Variants in EIF3A observed in about 807,000 individuals in gnomAD.
EIF3A encodes EIF3, p180 subunit.
EIF3A carries 21 observed loss-of-function variants against 186.6 expected under a neutral mutation model. The observed-to-expected ratio is 0.11, with a 90% CI of 0.08 to 0.16. EIF3A has a LOEUF of 0.16. Among genes scored for constraint, EIF3A ranks in the 10% least tolerant of loss-of-function variants. The probability of loss-of-function intolerance (pLI) is 1.00; values close to 1 mark genes in which losing one functional copy is unlikely to be tolerated. For missense variants in EIF3A, 1,306 were observed against 1,796.3 expected, an observed-to-expected ratio of 0.73 and a Z score of 4.93; for synonymous variants, 563 against 584.3, an observed-to-expected ratio of 0.96 and a Z score of 0.52.
At chr10:119,051,619 A>G (rs1389765342) in intron 14 of EIF3A, among the ~76,000 whole-genome samples, 3 of 152,214 alleles carry the variant, frequency 2.0e-5, no homozygotes, top group South Asian at 2.1e-4. Flanking sequence ...GAGGCACTGC[A>G]GGTTTGGTTC....
At chr10:119,077,236 G>A (rs569523132) in intron 1 of EIF3A, among the ~76,000 whole-genome samples, 142 of 152,180 alleles carry the variant, frequency 9.3e-4, no homozygotes, top group African/African-American at 2.7e-3. Flanking sequence ...AGGCTAAGGC[G>A]AGCAGATCAC....
At chr10:119,075,695 T>C (rs1765998618) in intron 1 of EIF3A, among the ~76,000 whole-genome samples, 1 of 145,590 alleles carries the variant, frequency 6.9e-6, no homozygotes, top group African/African-American at 2.5e-5. Context: ...CATTGTTTAT[T>C]TTCCTTGGAA....
intron 5 of EIF3A, 90 bp from the exon 6 acceptor site, chr10:119,069,744 A>G (rs1195150251): frequency 7.1e-6 from 5 of 705,958 alleles, no homozygotes; most frequent in South Asian, 1.6e-5. Flanking sequence ...AACACAGAAA[A>G]CATAAAAATA....
intron 6 of EIF3A, among the ~76,000 whole-genome samples, chr10:119,066,047 C>T (rs915711109): frequency 2.6e-5 from 4 of 151,510 alleles, no homozygotes; most frequent in South Asian, 4.2e-4. Context: ...ACCCGGGAGG[C>T]GGAGCTTGCA....
chr10:119,059,472 T>A, intron 10 of EIF3A, 75 bp from the exon 11 acceptor site: 1 of 1,314,306 alleles, frequency 7.6e-7, no homozygotes, highest in Non-Finnish European at 1.1e-6. Flanking sequence ...GAATGTCATA[T>A]ACAAAAGCTG....
chr10:119,064,228 T>A (rs1843933935), intron 7 of EIF3A, among the ~76,000 whole-genome samples: 1 of 152,182 alleles, frequency 6.6e-6, no homozygotes, highest in African/African-American at 2.4e-5. Context: ...TTTAGTAACA[T>A]CAAATGAAAG....
chr10:119,037,907 A>ATT (rs575308953), intron 20 of EIF3A, among the ~76,000 whole-genome samples: 3,233 of 93,136 alleles, frequency 0.035, 370 homozygotes, highest in East Asian at 0.078. Flanking sequence ...TTAAGAGGGA[A>ATT]TTTTTTTTTT....
In EIF3A at chr10:119,034,968, TAAA is replaced by T. The variant is rs201811447; in HGVS notation, c.*1068_*1070del. The T allele has an allele frequency of 1.3e-5, 2 of 152,360 alleles. No homozygotes were observed. Among genetic ancestry groups the T allele is most frequent in the African/African-American group, 4.8e-5 (2 of 41,364 alleles). 9.4% of individuals were successfully genotyped at this position (152,360 alleles called of 1,614,324 possible). ...TTAATGGCACTGATAAAAATTCAAGTAAAAAAAACTCAACTGAATATGCAAACT... is the reference window on the plus strand; with the variant it reads ...TTAATGGCACTGATAAAAATTCAAGTAAAAACTCAACTGAATATGCAAACT... On this transcript the variant is annotated 3_prime_UTR_variant, in exon 22 of 22. Coordinates refer to ENST00000369144, the MANE Select transcript of EIF3A (RefSeq NM_003750.4).
chr10:119,074,391 G>A (rs1447888777), intron 1 of EIF3A, among the ~76,000 whole-genome samples: 1 of 152,110 alleles, frequency 6.6e-6, no homozygotes, highest in Non-Finnish European at 1.5e-5. Flanking sequence ...CTTGAACCCA[G>A]GAGGCGGAGG....
chr10:119,077,556 A>ATT (rs34768236), intron 1 of EIF3A, among the ~76,000 whole-genome samples: 6,497 of 142,444 alleles, frequency 0.046, 280 homozygotes, highest in African/African-American at 0.11. Flanking sequence ...GTTCCTCCGA[A>ATT]TTTTTTTTTT....
chr10:119,037,064 C>A lies in EIF3A; in HGVS notation c.3919+55G>T, dbSNP rs199784581. 7.6e-5 allele frequency: 51 copies of A among 675,322 alleles called. 7 individuals are homozygous for A. Among genetic ancestry groups the A allele is most frequent in the East Asian group, 1.5e-4 (3 of 20,066 alleles). 41.8% of individuals were successfully genotyped at this position (675,322 alleles called of 1,614,324 possible). ...GATATAATTAAATAACCCAAATCCC[C>A]CCCCCCCCAGAAACGACAGTTCTCC... On this transcript the variant is annotated intron_variant, in intron 21 of 21. Transcript: ENST00000369144.
At chr10:119,050,708 C>T (rs753810452) in intron 15 of EIF3A, 34 bp from the exon 16 acceptor site, 4 of 1,611,758 alleles carry the variant, frequency 2.5e-6, no homozygotes, top group South Asian at 1.1e-5. Context: ...CCAAAAAGGG[C>T]ACACTTTGTC....
intron 1 of EIF3A, among the ~76,000 whole-genome samples, chr10:119,079,262 C>T (rs1281722147): frequency 1.3e-5 from 2 of 152,178 alleles, no homozygotes; most frequent in East Asian, 3.8e-4. Context: ...ACAATTACTC[C>T]ATTCCACACA....
rs188666416 is a variant in EIF3A at position 119,050,331 on chromosome 10, T to C, written c.2473+190A>G. ...TATTAATTTCTAGAAGAACATCAAATGTGTGGGGAAATGCTGGCAGACGAT... is the reference window on the plus strand; with the variant it reads ...TATTAATTTCTAGAAGAACATCAAACGTGTGGGGAAATGCTGGCAGACGAT... On this transcript the variant is annotated intron_variant, in intron 16 of 21. Transcript: ENST00000369144. 2.3e-3 allele frequency among the ~76,000 whole-genome samples: 356 copies of C among 152,248 alleles called. 1 individual carries two copies. The highest frequency in any genetic ancestry group is 3.9e-3 in the Non-Finnish European group (268 of 68,020).
intron 14 of EIF3A, among the ~76,000 whole-genome samples, chr10:119,054,283 G>T (rs984056661): frequency 6.6e-6 from 1 of 152,134 alleles, no homozygotes; most frequent in Non-Finnish European, 1.5e-5. Flanking sequence ...TTATAGCCTT[G>T]CTCTCGATCA....
At position 119,051,231 on chromosome 10, in the gene EIF3A, G is replaced by T. The variant is rs2119818749; in HGVS notation, c.2287C>A (p.Arg763=). The T allele has an allele frequency of 6.2e-7, 1 of 1,610,480 alleles. No individual in the cohort carries two copies. The highest frequency in any genetic ancestry group is 8.5e-7 in the Non-Finnish European group (1 of 1,179,020). ...ACAGACTGCCGTGCAGCTTTGAGTC[G>T]CATTACGAATAAATCTCTGTCTTCA... ...MLEDRDLFVM[R]LKAARQSVYE... The change falls in exon 15 of 22, where the codon CGA becomes AGA. Residue 763 remains arginine, a synonymous_variant. Coordinates refer to ENST00000369144, the MANE Select transcript of EIF3A (RefSeq NM_003750.4).
Position 119,051,314 on chromosome 10 carries a change from G to C in EIF3A, c.2204C>G (p.Thr735Arg). 6.3e-7 allele frequency: 1 copy of C among 1,584,490 alleles called. No homozygotes were observed. Among genetic ancestry groups the C allele is most frequent in the East Asian group, 2.3e-5 (1 of 43,604 alleles). ...AGCCTTTTCACGTTCTAGCTGCATT[G>C]TAGTAATCTGCAAGTACAAATATTG... The part of the protein sequence containing the change: ...WEQQEEERIT[T>R]MQLEREKALE... The change falls in exon 15 of 22, where the codon ACA (threonine) becomes AGA (arginine). Residue 735 changes from threonine to arginine, a missense_variant. Thr to Arg is a moderately conservative substitution (Grantham distance 71). Transcript: ENST00000369144.
At chr10:119,075,879 A>ATTTTTTT (rs58100835) in intron 1 of EIF3A, among the ~76,000 whole-genome samples, 2 of 94,060 alleles carry the variant, frequency 2.1e-5, no homozygotes, top group Admixed American at 1.4e-4. Context: ...CGCCTGGCTA[A>ATTTTTTT]TTTTTTTTTT....
intron 14 of EIF3A, among the ~76,000 whole-genome samples, chr10:119,054,339 T>A (rs916804569): frequency 1.3e-5 from 2 of 152,192 alleles, no homozygotes; most frequent in Non-Finnish European, 2.9e-5. Context: ...TCCAGACCAA[T>A]GAAACTTTTT....
Sources: gnomAD v4.1 joint callset for allele counts (sites outside exome capture counted in the v4.1 genomes callset) on GRCh38, gnomAD v4.1.1 for gene constraint, MANE v1.5 for transcripts, NCBI Gene and HGNC (gene_info 2026-07-23, HGNC 2026-07-21) for gene names.